Variants in LHX5 observed in about 807,000 individuals in gnomAD.
The protein encoded by LHX5 is LIM/homeobox protein Lhx5.
LHX5 carries 5 observed loss-of-function variants against 30.6 expected under a neutral mutation model. That is an observed-to-expected ratio of 0.16 (90% CI 0.09 to 0.34). The LOEUF (loss-of-function observed/expected upper bound fraction) is 0.34, where lower values mean the gene tolerates loss of function less well. Ranked by LOEUF, LHX5 falls within the 10% of genes least tolerant of loss-of-function variation. LHX5 has a pLI of 1.00. For missense variants in LHX5, 458 were observed against 570.6 expected (o/e 0.80, Z 2.01); for synonymous variants, 266 against 252.6 (o/e 1.05, Z -0.50).
chr12:113,468,514 G>A (rs1958228334), intron 2 of LHX5, 110 bp from the exon 3 acceptor site: 2 of 1,329,532 alleles, frequency 1.5e-6, no homozygotes, highest in Non-Finnish European at 2.0e-6. Flanking sequence ...CCCAGGCTAC[G>A]GCCAGCCCCG....
At position 113,471,551 on chromosome 12, in the gene LHX5, C is replaced by T. The variant is rs978359605; in HGVS notation, c.-53G>A. 4.6e-6 allele frequency: 7 copies of T among 1,515,736 alleles called. No individual in the cohort carries two copies. The highest frequency in any genetic ancestry group is 6.2e-6 in the Non-Finnish European group (7 of 1,123,866). 93.9% of individuals were successfully genotyped at this position (1,515,736 alleles called of 1,614,324 possible). On this transcript the variant is annotated 5_prime_UTR_variant, in exon 1 of 5. Transcript: ENST00000261731. Reference sequence around the variant, plus strand: ...CCTTGCCCTCCCTTTGGGCCCCTGGCCCTCGGGCCTGCCGGGCCCTCCGCT... The same window carrying T: ...CCTTGCCCTCCCTTTGGGCCCCTGGTCCTCGGGCCTGCCGGGCCCTCCGCT...
rs565097552 is a variant in LHX5, at chr12:113,462,102, T to C, written c.*1088A>G. The C allele has an allele frequency of 7.5e-4, 114 of 152,280 alleles. No homozygotes were observed. The highest frequency in any genetic ancestry group is 2.6e-3 in the African/African-American group (109 of 41,548). The allele number at this position is 152,280 out of a possible 1,614,324, so 9.4% of individuals were successfully genotyped here. ...AAGTTGATTTTTTTTGTTTTTGTTT[T>C]TTGTTTTTTTTAGGTAAACCTCTTT... On this transcript the variant is annotated 3_prime_UTR_variant, in exon 5 of 5. Transcript: ENST00000261731.
chr12:113,466,710 A>G lies in LHX5; in HGVS notation c.841+546T>C, dbSNP rs1958217171. On this transcript the variant is annotated intron_variant, in intron 4 of 4. Transcript: ENST00000261731. This position sits in a 1 kb window ranked among gnomAD's most constrained non-coding sequence, Gnocchi z 6.5. ...GATGCTAGTGAGCAGGCGGCTTGGA[A>G]TGAATCCAGACCCCCATCCCCTCCC... Among the ~76,000 whole-genome samples, 1 of 152,164 alleles carries G rather than the reference A, an allele frequency of 6.6e-6. No individual in the cohort carries two copies. Among genetic ancestry groups the G allele is most frequent in the Non-Finnish European group, 1.5e-5 (1 of 68,026 alleles).
At chr12:113,470,882 G>A (rs1958245691) in intron 1 of LHX5, among the ~76,000 whole-genome samples, 2 of 152,252 alleles carry the variant, frequency 1.3e-5, no homozygotes, top group African/African-American at 4.8e-5. Flanking sequence ...CTCTGGAGCT[G>A]AGAAGTTTCT....
In LHX5 at chr12:113,468,107, G is replaced by A. The variant is rs780180416; in HGVS notation, c.675+20C>T. 6 of 1,520,290 alleles carry A rather than the reference G, an allele frequency of 3.9e-6. No individual in the cohort carries two copies. In the Admixed American group the frequency reaches 9.9e-5, roughly 25 times the overall value. The allele number at this position is 1,520,290 out of a possible 1,614,324, so 94.2% of individuals were successfully genotyped here. Reference sequence around the variant, plus strand: ...CCCAGGCCAGCGGGGCTAAGGAGCTGTGCCCGCCCCGGGCCGCACCTGGAT... The same window carrying A: ...CCCAGGCCAGCGGGGCTAAGGAGCTATGCCCGCCCCGGGCCGCACCTGGAT... On this transcript the variant is annotated intron_variant, in intron 3 of 4. Coordinates refer to ENST00000261731, the MANE Select transcript of LHX5 (RefSeq NM_022363.3).
rs945627515 is a variant in LHX5 at position 113,466,251 on chromosome 12, G to A, written c.841+1005C>T. Among the ~76,000 whole-genome samples, 2 of 152,200 alleles carry A rather than the reference G, an allele frequency of 1.3e-5. No homozygotes were observed. Among genetic ancestry groups the A allele is most frequent in the African/African-American group, 4.8e-5 (2 of 41,440 alleles). ...AATTCAGAAGCTTCAGAATAGAAGA[G>A]GAGAGGTGCTTTCTTGAGCCCTCAG... is the stretch of plus-strand genomic sequence containing the variant. On this transcript the variant is annotated intron_variant, in intron 4 of 4. Transcript: ENST00000261731. This position sits in a 1 kb window ranked among gnomAD's most constrained non-coding sequence, Gnocchi z 6.5.
Position 113,463,361 on chromosome 12 carries a change from C to G in LHX5, c.1038G>C (p.Ser346=). 1 of 1,550,158 alleles carries G rather than the reference C, an allele frequency of 6.5e-7. No individual in the cohort carries two copies. Among genetic ancestry groups the G allele is most frequent in the Non-Finnish European group, 8.7e-7 (1 of 1,148,678 alleles). ...ADNPRFTDMI[S]HPDTPSPEPG... ...GCTCGGGGCTCGGTGTGTCCGGGTG[C>G]GAGATCATGTCGGTGAACCTGGGGT... Residue 346 remains serine, a synonymous_variant, in exon 5 of 5, where the codon TCG becomes TCC. Coordinates refer to ENST00000261731, the MANE Select transcript of LHX5 (RefSeq NM_022363.3). This position sits in a 1 kb window ranked among gnomAD's most constrained non-coding sequence, Gnocchi z 6.7.
In LHX5 at chr12:113,463,315, G is replaced by T; in HGVS notation, c.1084C>A (p.His362Asn). ...CTGAATACCTCGCCGGGCATGGGGT[G>T]CAGCGTGCCCGGCAGGCCTGGCTCG... is the stretch of plus-strand genomic sequence containing the variant. ...SPEPGLPGTL[H>N]PMPGEVFSGG... is the part of the protein sequence containing the mutation. Residue 362 changes from histidine to asparagine, a missense_variant, in exon 5 of 5, where the codon CAC (histidine) becomes AAC (asparagine). This residue lies in a region of LHX5 where 255 missense variants were observed against 246.8 expected (regional missense o/e 1.03). Coordinates refer to ENST00000261731, the MANE Select transcript of LHX5 (RefSeq NM_022363.3). The surrounding 1 kb of genome is among the most constrained non-coding windows in gnomAD (Gnocchi z 6.7). 1 of 1,537,136 alleles carries T rather than the reference G, an allele frequency of 6.5e-7. No individual in the cohort carries two copies. Among genetic ancestry groups the T allele is most frequent in the Non-Finnish European group, 8.7e-7 (1 of 1,143,206 alleles).
rs1406553867 is a variant in LHX5, at chr12:113,463,289, G to A, written c.1110C>T (p.Ser370=). 1.3e-6 allele frequency: 2 copies of A among 1,528,812 alleles called. No homozygotes were observed. The highest frequency in any genetic ancestry group is 2.4e-5 in the South Asian group (2 of 82,836). The allele number at this position is 1,528,812 out of a possible 1,614,324, so 94.7% of individuals were successfully genotyped here. ...TTGGGAAGGGCGGGCTGGGCCCGCC[G>A]CTGAATACCTCGCCGGGCATGGGGT... The part of the protein sequence containing the change: ...TLHPMPGEVF[S]GGPSPPFPMS... Residue 370 remains serine (S), a synonymous_variant, in exon 5 of 5, where the codon AGC becomes AGT. Transcript: ENST00000261731. The surrounding 1 kb of genome is among the most constrained non-coding windows in gnomAD (Gnocchi z 6.7).
Position 113,467,209 on chromosome 12 carries a change from CCGGAATAGGACAGGTG to C in LHX5, c.841+31_841+46del. 2.9e-6 allele frequency: 4 copies of C among 1,382,550 alleles called. No individual in the cohort carries two copies. Among genetic ancestry groups the C allele is most frequent in the Non-Finnish European group, 3.8e-6 (4 of 1,059,528 alleles). The allele number at this position is 1,382,550 out of a possible 1,614,324, so 85.6% of individuals were successfully genotyped here. A position where few individuals can be genotyped will look rare whatever the true frequency, so the allele number is the denominator to read the frequency against. ...GGCCGGGACCCTTCGCCCTCAGCTCCCGGAATAGGACAGGTGCGGAACAGCGAATCCCGGGGCGCCC... is the reference window on the plus strand; with the variant it reads ...GGCCGGGACCCTTCGCCCTCAGCTCCCGGAACAGCGAATCCCGGGGCGCCC... On this transcript the variant is annotated intron_variant, in intron 4 of 4. Transcript: ENST00000261731. The surrounding 1 kb of genome is among the most constrained non-coding windows in gnomAD (Gnocchi z 6.3).
rs761955901 is a variant in LHX5 at position 113,469,362 on chromosome 12, C to T, written c.174-17G>A. The T allele has an allele frequency of 2.5e-5, 40 of 1,605,642 alleles. No homozygotes were observed. Among genetic ancestry groups the T allele is most frequent in the Non-Finnish European group, 3.3e-5 (39 of 1,177,860 alleles). ...CCAAAGCGCCTGTGGACACAATGTG[C>T]CTGTCACTATGGGGTGGGACTGCAT... is the stretch of plus-strand genomic sequence containing the variant. On this transcript the variant is annotated splice_polypyrimidine_tract_variant and intron_variant, in intron 1 of 4. Transcript: ENST00000261731.
chr12:113,466,944 G>A lies in LHX5; in HGVS notation c.841+312C>T, dbSNP rs1958218562. ...GTGAGAGGGTGGAATTTACCTATAC[G>A]TGATCGTGCGATCGTGTCTAGACGT... On this transcript the variant is annotated intron_variant, in intron 4 of 4. Coordinates refer to ENST00000261731, the MANE Select transcript of LHX5 (RefSeq NM_022363.3). The surrounding 1 kb of genome is among the most constrained non-coding windows in gnomAD (Gnocchi z 6.5). 6.6e-6 allele frequency among the ~76,000 whole-genome samples: 1 copy of A among 151,974 alleles called. No homozygotes were observed. The highest frequency in any genetic ancestry group is 2.4e-5 in the African/African-American group (1 of 41,392).
chr12:113,468,650 C>T (rs982647456), intron 2 of LHX5, among the ~76,000 whole-genome samples: 4 of 152,182 alleles, frequency 2.6e-5, no homozygotes, highest in Admixed American at 2.0e-4. Flanking sequence ...TCAGCTAGTA[C>T]CTGGGTAAGG....
At position 113,465,800 on chromosome 12, in the gene LHX5, G is replaced by C. The variant is rs1023864894; in HGVS notation, c.841+1456C>G. Reference sequence around the variant, plus strand: ...GAGGCAAATTTAGGTGGAGAGAGTCGGTGAGTGGAGACTCCGGAAGACACG... The same window carrying C: ...GAGGCAAATTTAGGTGGAGAGAGTCCGTGAGTGGAGACTCCGGAAGACACG... On this transcript the variant is annotated intron_variant, in intron 4 of 4. Coordinates refer to ENST00000261731, the MANE Select transcript of LHX5 (RefSeq NM_022363.3). The surrounding 1 kb of genome is among the most constrained non-coding windows in gnomAD (Gnocchi z 6.7). 1.3e-5 allele frequency among the ~76,000 whole-genome samples: 2 copies of C among 152,006 alleles called. No homozygotes were observed. Among genetic ancestry groups the C allele is most frequent in the Non-Finnish European group, 2.9e-5 (2 of 67,974 alleles).
At position 113,464,691 on chromosome 12, in the gene LHX5, AC is replaced by A. The variant is rs1362929180; in HGVS notation, c.842-1135del. Among the ~76,000 whole-genome samples the A allele has an allele frequency of 6.6e-6, 1 of 151,996 alleles. No individual in the cohort carries two copies. The highest frequency in any genetic ancestry group is 1.5e-5 in the Non-Finnish European group (1 of 67,990). ...CTTGCCCCGGGTTGGTTTTGCCAGC[AC>A]CCCCAGGTTCTGAAGCATCTGAGGA... On this transcript the variant is annotated intron_variant, in intron 4 of 4. Coordinates refer to ENST00000261731, the MANE Select transcript of LHX5 (RefSeq NM_022363.3). This position sits in a 1 kb window ranked among gnomAD's most constrained non-coding sequence, Gnocchi z 6.2.
rs1958194262 is a variant in LHX5, at chr12:113,463,786, A to AT, written c.842-230_842-229insA. On this transcript the variant is annotated intron_variant, in intron 4 of 4. Transcript: ENST00000261731. The surrounding 1 kb of genome is among the most constrained non-coding windows in gnomAD (Gnocchi z 6.7). Reference sequence around the variant, plus strand: ...ATGAGAGATCTCGAAAGGGCAAGAGACTCAGACTGCCAGAGACCACACACA... The same window carrying AT: ...ATGAGAGATCTCGAAAGGGCAAGAGATCTCAGACTGCCAGAGACCACACACA... Among the ~76,000 whole-genome samples the AT allele has an allele frequency of 6.6e-6, 1 of 151,946 alleles. No homozygotes were observed. The highest frequency in any genetic ancestry group is 2.1e-4 in the South Asian group (1 of 4,802).
In LHX5 at chr12:113,471,256, C is replaced by T. The variant is rs1958248465; in HGVS notation, c.173+70G>A. The T allele has an allele frequency of 5.9e-6, 9 of 1,535,404 alleles. 1 individual carries two copies. The South Asian group carries it at 7.1e-5, about 12-fold the overall frequency. Reference sequence around the variant, plus strand: ...GGCTGGGATGGGGATGGGGGTATCCCCTTCCCCAGCGCCCCAGTGGAGCGC... The same window carrying T: ...GGCTGGGATGGGGATGGGGGTATCCTCTTCCCCAGCGCCCCAGTGGAGCGC... On this transcript the variant is annotated intron_variant, in intron 1 of 4. Coordinates refer to ENST00000261731, the MANE Select transcript of LHX5 (RefSeq NM_022363.3).
chr12:113,471,433 G>C lies in LHX5; in HGVS notation c.66C>G (p.Asp22Glu). ...GAACACATTTGATGTGCCACGCGCG[G>C]TCCAGCACGTTCAGCAGAAAGCGGT... ...ILDRFLLNVL[D>E]RAWHIKCVQC... Residue 22 changes from aspartate (D) to glutamate (E), a missense_variant, in exon 1 of 5, where the codon GAC becomes GAG. Asp to Glu is a conservative substitution (Grantham distance 45). Around this residue, in one of 3 missense-constraint regions of LHX5, gnomAD observed 178 missense variants for 238.5 expected, o/e 0.75. Coordinates refer to ENST00000261731, the MANE Select transcript of LHX5 (RefSeq NM_022363.3). 6.2e-7 allele frequency: 1 copy of C among 1,612,970 alleles called. No homozygotes were observed. The highest frequency in any genetic ancestry group is 8.5e-7 in the Non-Finnish European group (1 of 1,179,496).
rs1213529973 is a variant in LHX5, at chr12:113,467,156, G to C, written c.841+100C>G. ...GTGATCGTGTGTCCAGCGAGTGGGC[G>C]ATGTTCTGGAGCGGCGGAAAGCGTG... is the stretch of plus-strand genomic sequence containing the variant. On this transcript the variant is annotated intron_variant, in intron 4 of 4. Transcript: ENST00000261731. The surrounding 1 kb of genome is among the most constrained non-coding windows in gnomAD (Gnocchi z 6.3). 1 of 1,197,374 alleles carries C rather than the reference G, an allele frequency of 8.4e-7. No individual in the cohort carries two copies. The highest frequency in any genetic ancestry group is 3.4e-5 in the Admixed American group (1 of 29,784). The allele number at this position is 1,197,374 out of a possible 1,614,324, so 74.2% of individuals were successfully genotyped here.
Sources: allele counts gnomAD v4.1 joint callset (sites outside exome capture counted in the v4.1 genomes callset), GRCh38; gene constraint gnomAD v4.1.1; regional missense constraint gnomAD v4.1.1; non-coding constraint Gnocchi (gnomAD v3.1); transcripts MANE v1.5; gene names NCBI Gene and HGNC (gene_info 2026-07-23, HGNC 2026-07-21).